The following TEX2 variants were observed in gnomAD, a reference collection of about 807,000 sequenced individuals.
The protein encoded by TEX2 is testis-expressed protein 2.
TEX2 carries 53 observed loss-of-function variants against 106.9 expected under a neutral mutation model. The observed-to-expected ratio is 0.50, with a 90% CI of 0.40 to 0.62. The LOEUF (loss-of-function observed/expected upper bound fraction) is 0.62. TEX2 is among the 20% of genes least tolerant of loss of function. TEX2 has a pLI of 0.00. For missense variants in TEX2, 1,207 were observed against 1,379.0 expected (o/e 0.88, Z 1.98); for synonymous variants, 523 against 534.8 (o/e 0.98, Z 0.30).
intron 2 of TEX2, among the ~76,000 whole-genome samples, chr17:64,207,246 C>A (rs190327521): frequency 6.6e-6 from 1 of 152,156 alleles, no homozygotes; most frequent in Non-Finnish European, 1.5e-5. Context: ...AGAACTTATA[C>A]GGCTCAGAGG....
chr17:64,213,213 A>C lies in TEX2; in HGVS notation c.1005T>G (p.Asn335Lys), dbSNP rs2033066005. 1 of 1,614,192 alleles carries C rather than the reference A, an allele frequency of 6.2e-7. No individual in the cohort carries two copies. The highest frequency in any genetic ancestry group is 1.7e-5 in the Admixed American group (1 of 60,028). Residue 335 changes from asparagine (N) to lysine (K), a missense_variant, in exon 2 of 12, where the codon AAT (asparagine) becomes AAG (lysine). By Grantham distance (94) the Asn-to-Lys change is moderately conservative. This residue lies in a region of TEX2 where 1,067 missense variants were observed against 1,193.6 expected (regional missense o/e 0.89). Transcript: ENST00000584379. This position sits in a 1 kb window ranked among gnomAD's most constrained non-coding sequence, Gnocchi z 4.4. ...AGTTGTTATTGCTTTCCAAGTGCCC[A>C]TTCAAGCTGGACAGATTGGAGAGTT... ...ASELSNLSSL[N>K]GHLESNNNYS...
At chr17:64,190,174 T>C (rs1333796447) in intron 4 of TEX2, among the ~76,000 whole-genome samples, 3 of 152,198 alleles carry the variant, frequency 2.0e-5, no homozygotes, top group Non-Finnish European at 4.4e-5. Context: ...TGCATAACTA[T>C]AAAAATACAT....
At chr17:64,219,470 C>T (rs2143166730) in intron 1 of TEX2, among the ~76,000 whole-genome samples, 1 of 149,160 alleles carries the variant, frequency 6.7e-6, no homozygotes, top group South Asian at 2.2e-4. Flanking sequence ...TGGGCCACTG[C>T]ACTCCAGCCT....
chr17:64,201,253 TAA>T (rs1555630055), intron 2 of TEX2, among the ~76,000 whole-genome samples: 1 of 152,138 alleles, frequency 6.6e-6, no homozygotes, highest in Non-Finnish European at 1.5e-5. Flanking sequence ...TGCTCACCTG[TAA>T]AAGGGTCCAG....
chr17:64,213,306 GA>G lies in TEX2; in HGVS notation c.911del (p.Leu304ProfsTer6). The G allele has an allele frequency of 6.2e-7, 1 of 1,614,066 alleles. No individual in the cohort carries two copies. Among genetic ancestry groups the G allele is most frequent in the Non-Finnish European group, 8.5e-7 (1 of 1,180,036 alleles). ...LSEVIYEPFQ[L>X]LSKIIGEESG... The stretch of plus-strand genomic sequence containing the variant: ...TTTCTTCCCCTATAATTTTACTAAG[GA>G]GCTGAAAAGGCTCATAGATGACTTC... On this transcript the variant is annotated frameshift_variant, in exon 2 of 12. Coordinates refer to ENST00000584379, the MANE Select transcript of TEX2 (RefSeq NM_001288732.2). LOFTEE classifies it high-confidence loss of function. This position sits in a 1 kb window ranked among gnomAD's most constrained non-coding sequence, Gnocchi z 4.4.
chr17:64,218,405 CTTTTTTTTT>C (rs10526886), intron 1 of TEX2, among the ~76,000 whole-genome samples: 73 of 120,606 alleles, frequency 6.1e-4, no homozygotes, highest in African/African-American at 2.2e-3. Context: ...GACACTTTCA[CTTTTTTTTT>C]TTTTTTTTTT....
intron 7 of TEX2, among the ~76,000 whole-genome samples, chr17:64,167,755 G>T (rs1415680522): frequency 6.6e-6 from 1 of 152,122 alleles, no homozygotes; most frequent in Non-Finnish European, 1.5e-5. Flanking sequence ...GGAGGTGGAG[G>T]TTGCAGTGAG....
At chr17:64,194,840 A>G in intron 3 of TEX2, 55 bp downstream of exon 3, 1 of 1,558,260 alleles carries the variant, frequency 6.4e-7, no homozygotes, top group South Asian at 1.1e-5. Context: ...AGCATCCAAG[A>G]TGCCATATGC....
intron 6 of TEX2, among the ~76,000 whole-genome samples, chr17:64,172,491 T>C (rs1451598925): frequency 6.6e-6 from 1 of 152,178 alleles, no homozygotes; most frequent in Admixed American, 6.5e-5. Flanking sequence ...CTCCAGCTTC[T>C]GGTTGGGCAT....
In TEX2 at chr17:64,217,407, G is replaced by A. The variant is rs2033217870; in HGVS notation, c.-25-3165C>T. On this transcript the variant is annotated intron_variant, in intron 1 of 11. Transcript: ENST00000584379. This position sits in a 1 kb window ranked among gnomAD's most constrained non-coding sequence, Gnocchi z 4.3. ...ATGGTTTGTCCAAGGGCACAGCACT[G>A]ACAACATGGGCTTCCTGACACTGAG... is the stretch of plus-strand genomic sequence containing the variant. Among the ~76,000 whole-genome samples, 1 of 152,226 alleles carries A rather than the reference G, an allele frequency of 6.6e-6. No homozygotes were observed. Among genetic ancestry groups the A allele is most frequent in the Non-Finnish European group, 1.5e-5 (1 of 68,038 alleles).
rs1555631730 is a variant in TEX2, at chr17:64,212,717, C to T, written c.1501G>A (p.Gly501Arg). The part of the protein sequence containing the change: ...LPHYVSGLFL[G>R]IGLGFMTAVC... The stretch of plus-strand genomic sequence containing the variant: ...GCAGTCATGAATCCAAGGCCAATTC[C>T]CAGAAAGAGTCCACTCACATAGTGG... Residue 501 changes from glycine (G) to arginine (R), a missense_variant, in exon 2 of 12, where the codon GGA (glycine) becomes AGA (arginine). Coordinates refer to ENST00000584379, the MANE Select transcript of TEX2 (RefSeq NM_001288732.2). The T allele has an allele frequency of 1.2e-6, 2 of 1,614,076 alleles. No individual in the cohort carries two copies. Among genetic ancestry groups the T allele is most frequent in the Admixed American group, 3.3e-5 (2 of 60,004 alleles).
At position 64,213,954 on chromosome 17, in the gene TEX2, A is replaced by G. The variant is rs781839390; in HGVS notation, c.264T>C (p.Pro88=). ...CATCTGCCAGGACAGGCGAGGCAGC[A>G]GGGCCGGCGGGGTCATGGCCAACTT... is the stretch of plus-strand genomic sequence containing the variant. The part of the protein sequence containing the change: ...EPQVGHDPAG[P]AASPVLADGL... The change falls in exon 2 of 12, where the codon CCT becomes CCC. Residue 88 remains proline, a synonymous_variant. Coordinates refer to ENST00000584379, the MANE Select transcript of TEX2 (RefSeq NM_001288732.2). This position sits in a 1 kb window ranked among gnomAD's most constrained non-coding sequence, Gnocchi z 4.4. The G allele has an allele frequency of 4.3e-6, 7 of 1,614,124 alleles. No homozygotes were observed. The highest frequency in any genetic ancestry group is 5.9e-6 in the Non-Finnish European group (7 of 1,180,056).
At chr17:64,210,456 A>G (rs1345877418) in intron 2 of TEX2, among the ~76,000 whole-genome samples, 4 of 152,236 alleles carry the variant, frequency 2.6e-5, no homozygotes, top group Non-Finnish European at 5.9e-5. Flanking sequence ...ACTAGGATAT[A>G]TACCAAATCA....
chr17:64,196,495 T>G (rs2032471171), intron 2 of TEX2, among the ~76,000 whole-genome samples: 1 of 152,156 alleles, frequency 6.6e-6, no homozygotes, highest in African/African-American at 2.4e-5. Context: ...CTCTCCCTCC[T>G]CCCAAAGAAT....
chr17:64,240,958 T>C (rs1048296795), intron 1 of TEX2, among the ~76,000 whole-genome samples: 2 of 152,216 alleles, frequency 1.3e-5, no homozygotes, highest in Admixed American at 6.5e-5. Flanking sequence ...GGCAGTATTA[T>C]ACTGCTGCTT....
chr17:64,149,140 G>C (rs1181854741), intron 11 of TEX2, 49 bp from the exon 12 acceptor site: 8 of 1,599,152 alleles, frequency 5.0e-6, no homozygotes, highest in Non-Finnish European at 6.0e-6. Context: ...GCCTTGCCAG[G>C]CTGTCACCCT....
chr17:64,177,230 A>G, intron 6 of TEX2, 95 bp downstream of exon 6: 1 of 1,499,224 alleles, frequency 6.7e-7, no homozygotes, highest in Non-Finnish European at 9.2e-7. Context: ...TATACGTTTA[A>G]ACCAAATTAT....
At chr17:64,189,075 A>T (rs1050230925) in intron 4 of TEX2, among the ~76,000 whole-genome samples, 15 of 150,798 alleles carry the variant, frequency 9.9e-5, no homozygotes, top group Non-Finnish European at 2.2e-4. Flanking sequence ...TAGAGAGCTA[A>T]TTAATTGTTC....
intron 1 of TEX2, among the ~76,000 whole-genome samples, chr17:64,251,704 C>G (rs142499479): frequency 6.6e-6 from 1 of 152,302 alleles, no homozygotes; most frequent in African/African-American, 2.4e-5. Flanking sequence ...GGAAGCCTCC[C>G]CATCTGCAGG....
Sources: allele counts gnomAD v4.1 joint callset (sites outside exome capture counted in the v4.1 genomes callset), GRCh38; gene constraint gnomAD v4.1.1; regional missense constraint gnomAD v4.1.1; non-coding constraint Gnocchi (gnomAD v3.1); transcripts MANE v1.5; gene names NCBI Gene and HGNC (gene_info 2026-07-23, HGNC 2026-07-21).